Variants in PCDHA8 observed in about 807,000 individuals in gnomAD.
PCDHA8 encodes the protein protocadherin alpha-8.
PCDHA8 carries 53 observed loss-of-function variants against 61.8 expected under a neutral mutation model. The observed-to-expected ratio is 0.86, with a 90% confidence interval of 0.69 to 1.08. The LOEUF (loss-of-function observed/expected upper bound fraction) is 1.08. Among genes scored for constraint, PCDHA8 ranks in the 50% least tolerant of loss-of-function variants. The pLI is 0.00. For missense variants in PCDHA8, 1,293 were observed against 1,245.0 expected (o/e 1.04, Z -0.58); for synonymous variants, 618 against 556.6 (o/e 1.11, Z -1.55).
chr5:140,876,662 T>G (rs782771484), intron 1 of PCDHA8: 23 of 1,614,114 alleles, frequency 1.4e-5, no homozygotes, highest in Non-Finnish European at 1.9e-5. Context: ...CCCTTCAAGC[T>G]GGTGTCCACC....
intron 1 of PCDHA8, chr5:140,884,538 G>C: frequency 6.2e-7 from 1 of 1,614,112 alleles, no homozygotes; most frequent in Non-Finnish European, 8.5e-7. Flanking sequence ...AGGCGGCCGA[G>C]GGTGTGCTCT....
At chr5:140,930,013 G>A (rs2086530432) in intron 1 of PCDHA8, 1 of 152,118 alleles carries the variant, frequency 6.6e-6, no homozygotes, top group Admixed American at 6.5e-5. Context: ...ATAGCTGATA[G>A]CTCCATAGCA....
At chr5:140,873,002 T>G (rs1454301001) in intron 1 of PCDHA8, among the ~76,000 whole-genome samples, 1 of 152,218 alleles carries the variant, frequency 6.6e-6, no homozygotes, top group East Asian at 1.9e-4. Flanking sequence ...TTCTGAGTCA[T>G]TCTTCATATT....
intron 1 of PCDHA8, chr5:140,882,232 T>C: frequency 1.9e-6 from 3 of 1,575,806 alleles, no homozygotes; most frequent in African/African-American, 1.4e-5. Context: ...AGGCGTTGTA[T>C]ATATTGCAGA....
At chr5:140,961,936 T>C (rs1163967895) in intron 1 of PCDHA8, among the ~76,000 whole-genome samples, 1 of 151,364 alleles carries the variant, frequency 6.6e-6, no homozygotes, top group Non-Finnish European at 1.5e-5. Flanking sequence ...CAGGCTGGAG[T>C]GCAGTGGCAT....
At chr5:140,895,829 C>T (rs2065183021) in intron 1 of PCDHA8, among the ~76,000 whole-genome samples, 1 of 151,878 alleles carries the variant, frequency 6.6e-6, no homozygotes, top group African/African-American at 2.4e-5. Context: ...GTATTTTTTT[C>T]AGACAAAGTC....
intron 1 of PCDHA8, chr5:140,852,049 T>C (rs2042227542): frequency 2.2e-6 from 2 of 915,990 alleles, no homozygotes; most frequent in Non-Finnish European, 2.7e-6. Flanking sequence ...TGTTATGTGG[T>C]TTATATTTTT....
intron 1 of PCDHA8, chr5:140,876,457 T>C: frequency 6.2e-7 from 1 of 1,614,008 alleles, no homozygotes; most frequent in Non-Finnish European, 8.5e-7. Flanking sequence ...AGGGATTCCT[T>C]CCATGGCAGG....
chr5:141,006,620 T>C (rs1237251555), intron 3 of PCDHA8, among the ~76,000 whole-genome samples: 3 of 152,148 alleles, frequency 2.0e-5, no homozygotes, highest in Admixed American at 6.5e-5. Context: ...ATAAGGAGAC[T>C]ATTGCTGCAA....
At chr5:140,875,738 G>C (rs1197047985) in intron 1 of PCDHA8, 1 of 1,614,204 alleles carries the variant, frequency 6.2e-7, no homozygotes, top group Non-Finnish European at 8.5e-7. Context: ...GTGAATTCTC[G>C]GATCGACCGC....
chr5:140,917,797 C>T (rs1174581148), intron 1 of PCDHA8, among the ~76,000 whole-genome samples: 2 of 151,940 alleles, frequency 1.3e-5, no homozygotes, highest in African/African-American at 4.8e-5. Flanking sequence ...GTTACTGTAG[C>T]CTTGCAGTAT....
chr5:140,967,520 G>A, intron 1 of PCDHA8: 1 of 1,612,918 alleles, frequency 6.2e-7, no homozygotes, highest in East Asian at 2.2e-5. Context: ...GGACACTAAC[G>A]ACAACTCTCC....
rs139863676 is a variant in PCDHA8, at chr5:140,843,172, C to T, written c.1851C>T (p.Ser617=). ...LSYELQPAAS[S]PRIPFRVGLY... ...ATGAGCTGCAGCCAGCTGCAAGCAG[C>T]CCTCGCATCCCGTTCCGCGTGGGGC... The change falls in exon 1 of 4, where the codon AGC becomes AGT. Residue 617 remains serine, a synonymous_variant. Transcript: ENST00000531613. 15,808 of 1,596,034 alleles carry T rather than the reference C, an allele frequency of 9.9e-3. 1,621 individuals are homozygous for T. Among genetic ancestry groups the T allele is most frequent in the Non-Finnish European group, 0.012 (14,321 of 1,165,582 alleles).
chr5:140,923,570 C>T (rs1554201533), intron 1 of PCDHA8, among the ~76,000 whole-genome samples: 2 of 152,136 alleles, frequency 1.3e-5, no homozygotes, highest in African/African-American at 4.8e-5. Context: ...AAAGGTCCTG[C>T]TAAAGAGAAG....
intron 1 of PCDHA8, chr5:140,876,387 T>C (rs2056316391): frequency 6.2e-7 from 1 of 1,613,830 alleles, no homozygotes; most frequent in Admixed American, 1.7e-5. Flanking sequence ...TTAGAATTTA[T>C]GGTGAACTGG....
intron 1 of PCDHA8, among the ~76,000 whole-genome samples, chr5:140,977,308 A>G (rs2096754925): frequency 6.6e-6 from 1 of 152,230 alleles, no homozygotes; most frequent in South Asian, 2.1e-4. Context: ...CAAGCTAACG[A>G]TAGTGCTCCT....
chr5:140,881,279 G>A, intron 1 of PCDHA8: 2 of 760,202 alleles, frequency 2.6e-6, no homozygotes, highest in South Asian at 6.0e-5. Flanking sequence ...GAAGTAAGAT[G>A]GAGAGAGAAA....
chr5:140,961,037 A>C (rs1222978592), intron 1 of PCDHA8, among the ~76,000 whole-genome samples: 2 of 152,188 alleles, frequency 1.3e-5, no homozygotes, highest in African/African-American at 4.8e-5. Flanking sequence ...CCTTGTTTTG[A>C]GTCATTAACA....
chr5:141,009,003 A>G (rs782499793), intron 3 of PCDHA8, among the ~76,000 whole-genome samples: 16 of 152,220 alleles, frequency 1.1e-4, no homozygotes, highest in Non-Finnish European at 1.5e-4. Flanking sequence ...AAAGGAGCAT[A>G]TTTTGCCTTT....
Sources: allele counts gnomAD v4.1 joint callset (sites outside exome capture counted in the v4.1 genomes callset), GRCh38; gene constraint gnomAD v4.1.1; transcripts MANE v1.5; gene names NCBI Gene and HGNC (gene_info 2026-07-23, HGNC 2026-07-21).